Variants in ARHGEF1 observed in about 807,000 individuals in gnomAD.
ARHGEF1 encodes 115 kDa guanine nucleotide exchange factor.
ARHGEF1 carries 40 observed loss-of-function variants against 119.7 expected under a neutral mutation model. The observed-to-expected ratio is 0.33, with a 90% CI of 0.26 to 0.44. The LOEUF (loss-of-function observed/expected upper bound fraction) is 0.44, where lower values mean the gene tolerates loss of function less well. Among genes scored for constraint, ARHGEF1 ranks in the 20% least tolerant of loss-of-function variants. The pLI is 1.00. For missense variants in ARHGEF1, 976 were observed against 1,268.3 expected (o/e 0.77, Z 3.50); for synonymous variants, 494 against 521.0 (o/e 0.95, Z 0.71).
upstream of ARHGEF1, among the ~76,000 whole-genome samples, chr19:41,918,590 C>T: frequency 6.7e-6 from 1 of 149,014 alleles, no homozygotes; most frequent in Non-Finnish European, 1.5e-5. Flanking sequence ...ACAGTACATA[C>T]ACTACCCATC....
chr19:41,910,180 A>G (rs1199967518), downstream of ARHGEF1: 12 of 1,341,542 alleles, frequency 8.9e-6, no homozygotes, highest in Non-Finnish European at 1.2e-5. This position sits in a 1 kb window ranked among gnomAD's most constrained non-coding sequence, Gnocchi z 4.4. Context: ...GTAACCTGGG[A>G]GGCATGTAGT....
In ARHGEF1 at chr19:41,903,736, C is replaced by A. The variant is rs1555849522; in HGVS notation, c.1869C>A (p.Asp623Glu). ...TCAAGGACTATCAGCGGCGCCTGGA[C>A]TTGTCCCACCTTCGGCAGAGCAGCG... ...LRLKDYQRRL[D>E]LSHLRQSSDP... Residue 623 changes from aspartate to glutamate, a missense_variant, in exon 20 of 29, where the codon GAC (aspartate) becomes GAA (glutamate). By Grantham distance (45) the Asp-to-Glu change is conservative. Transcript: ENST00000354532. This position sits in a 1 kb window ranked among gnomAD's most constrained non-coding sequence, Gnocchi z 4.2. 1.9e-6 allele frequency: 3 copies of A among 1,613,226 alleles called. No homozygotes were observed. The highest frequency in any genetic ancestry group is 2.5e-6 in the Non-Finnish European group (3 of 1,180,008).
Position 41,903,170 on chromosome 19 carries a change from C to A in ARHGEF1, c.1739-137C>A. 1 of 760,662 alleles carries A rather than the reference C, an allele frequency of 1.3e-6. No individual in the cohort carries two copies. The highest frequency in any genetic ancestry group is 2.2e-6 in the Non-Finnish European group (1 of 455,490). 47.1% of individuals were successfully genotyped at this position (760,662 alleles called of 1,614,324 possible). ...CTCCTGGTCTCAAGCTATCCTCCCG[C>A]CTCAGCCTCCCAAAGTGCTTGGATT... On this transcript the variant is annotated intron_variant, in intron 18 of 28. Transcript: ENST00000354532. This position sits in a 1 kb window ranked among gnomAD's most constrained non-coding sequence, Gnocchi z 4.2.
Position 41,892,120 on chromosome 19 carries a change from A to G in ARHGEF1, c.321A>G (p.Thr107=), listed in dbSNP as rs201305646. The G allele has an allele frequency of 5.0e-5, 80 of 1,612,388 alleles. No homozygotes were observed. The East Asian group carries it at 1.4e-3, about 28-fold the overall frequency. The part of the protein sequence containing the change: ...LDFYHSFLEK[T]AVLRVPVPPN... ...TCTACCACAGCTTCCTGGAGAAGAC[A>G]GCGGTGAGAGACCTTCAAGCTGCCC... The change falls in exon 5 of 29, where the codon ACA becomes ACG. Residue 107 remains threonine (T), a synonymous_variant. Transcript: ENST00000354532. This position sits in a 1 kb window ranked among gnomAD's most constrained non-coding sequence, Gnocchi z 6.3.
Position 41,905,322 on chromosome 19 carries a change from C to T in ARHGEF1, c.2336+61C>T, listed in dbSNP as rs1599664349. ...GAGTGGGGCCGGAAGGCGGGGCAGG[C>T]TTCCCTCCACAACTCCAGAACCGTC... On this transcript the variant is annotated intron_variant, in intron 24 of 28. Coordinates refer to ENST00000354532, the MANE Select transcript of ARHGEF1 (RefSeq NM_004706.4). The surrounding 1 kb of genome is among the most constrained non-coding windows in gnomAD (Gnocchi z 6.4). 1.4e-6 allele frequency: 2 copies of T among 1,447,698 alleles called. No homozygotes were observed. Among genetic ancestry groups the T allele is most frequent in the East Asian group, 4.6e-5 (2 of 43,938 alleles). The allele number at this position is 1,447,698 out of a possible 1,614,324, so 89.7% of individuals were successfully genotyped here. A position where few individuals can be genotyped will look rare whatever the true frequency, so the allele number is the denominator to read the frequency against.
intron 1 of ARHGEF1, among the ~76,000 whole-genome samples, chr19:41,926,565 C>T (rs920256841): frequency 1.3e-5 from 2 of 152,168 alleles, no homozygotes; most frequent in African/African-American, 4.8e-5. Context: ...AGTTCTGGCT[C>T]TCGGGTCCCT....
chr19:41,905,126 A>G lies in ARHGEF1; in HGVS notation c.2250-49A>G, dbSNP rs1464087050. The G allele has an allele frequency of 1.2e-6, 2 of 1,610,954 alleles. No homozygotes were observed. The highest frequency in any genetic ancestry group is 1.7e-6 in the Non-Finnish European group (2 of 1,177,296). On this transcript the variant is annotated intron_variant, in intron 23 of 28. Coordinates refer to ENST00000354532, the MANE Select transcript of ARHGEF1 (RefSeq NM_004706.4). This position sits in a 1 kb window ranked among gnomAD's most constrained non-coding sequence, Gnocchi z 6.4. ...AGGAGGGCTGTGGGGAGGCCCTGGC[A>G]TAGGGTCTGGGGGCTCTGACTGCCC...
At chr19:41,912,102 G>A (rs1206523663), downstream of ARHGEF1, among the ~76,000 whole-genome samples, 10 of 152,148 alleles carry the variant, frequency 6.6e-5, no homozygotes, top group African/African-American at 1.2e-4. Context: ...GCTGGCAGAC[G>A]CCCCCATCCC....
At chr19:41,911,271 AC>A (rs2074749842), downstream of ARHGEF1, among the ~76,000 whole-genome samples, 1 of 152,096 alleles carries the variant, frequency 6.6e-6, no homozygotes, top group African/African-American at 2.4e-5. Flanking sequence ...CCTGGGTCCA[AC>A]TTCTGTGTTC....
rs532564496 is a variant in ARHGEF1, at chr19:41,901,573, C to T, written c.1268-314C>T. Among the ~76,000 whole-genome samples, 101 of 152,290 alleles carry T rather than the reference C, an allele frequency of 6.6e-4. 2 individuals are homozygous for T. Among genetic ancestry groups the T allele is most frequent in the African/African-American group, 2.4e-3 (98 of 41,562 alleles). The stretch of plus-strand genomic sequence containing the variant: ...CCTCCCACTTGAGCCTCCCAAGTAG[C>T]TGGGACTACAGGCACACACCAACAT... On this transcript the variant is annotated intron_variant, in intron 14 of 28. Coordinates refer to ENST00000354532, the MANE Select transcript of ARHGEF1 (RefSeq NM_004706.4).
At chr19:41,910,404 A>G (rs1345556157), downstream of ARHGEF1, among the ~76,000 whole-genome samples, 2 of 152,152 alleles carry the variant, frequency 1.3e-5, no homozygotes, top group East Asian at 3.9e-4. This position sits in a 1 kb window ranked among gnomAD's most constrained non-coding sequence, Gnocchi z 4.4. Context: ...TGCACCCATG[A>G]CAGTGAGGAG....
In ARHGEF1 at chr19:41,889,006, A is replaced by G; in HGVS notation, c.225+141A>G. The G allele has an allele frequency of 1.4e-6, 1 of 713,086 alleles. No individual in the cohort carries two copies. The highest frequency in any genetic ancestry group is 2.3e-6 in the Non-Finnish European group (1 of 437,650). The allele number at this position is 713,086 out of a possible 1,614,324, so 44.2% of individuals were successfully genotyped here. On this transcript the variant is annotated intron_variant, in intron 4 of 28. Transcript: ENST00000354532. This position sits in a 1 kb window ranked among gnomAD's most constrained non-coding sequence, Gnocchi z 4.0. ...CAGAGAGCCAGATCTAGAAAGAGAG[A>G]ATGCTTTAGACAAGAGCCAGAAAGC...
At chr19:41,901,795 C>T in intron 14 of ARHGEF1, 92 bp from the exon 15 acceptor site, 1 of 1,471,808 alleles carries the variant, frequency 6.8e-7, no homozygotes, top group Non-Finnish European at 9.1e-7. Context: ...GCTTTCCTCC[C>T]TGCTCTGCCT....
In ARHGEF1 at chr19:41,906,121, C is replaced by A. The variant is rs1434073401; in HGVS notation, c.2491+96C>A. ...TCTCCACGTCAAAAATTTCCTTACGCCCAGCTGCCAGAAAACAAATGCTCC... is the reference window on the plus strand; with the variant it reads ...TCTCCACGTCAAAAATTTCCTTACGACCAGCTGCCAGAAAACAAATGCTCC... On this transcript the variant is annotated intron_variant, in intron 26 of 28. Coordinates refer to ENST00000354532, the MANE Select transcript of ARHGEF1 (RefSeq NM_004706.4). The surrounding 1 kb of genome is among the most constrained non-coding windows in gnomAD (Gnocchi z 4.5). 3.2e-6 allele frequency: 4 copies of A among 1,236,238 alleles called. No homozygotes were observed. In the African/African-American group the frequency reaches 4.5e-5, roughly 14 times the overall value. The allele number at this position is 1,236,238 out of a possible 1,614,324, so 76.6% of individuals were successfully genotyped here. A position where few individuals can be genotyped will look rare whatever the true frequency, so the allele number is the denominator to read the frequency against.
upstream of ARHGEF1, among the ~76,000 whole-genome samples, chr19:41,919,177 A>G (rs554793250): frequency 6.6e-6 from 1 of 152,172 alleles, no homozygotes; most frequent in African/African-American, 2.4e-5. Context: ...ACTACTCTCA[A>G]TACCACACCT....
At chr19:41,896,346 T>C (rs1599646253) in intron 12 of ARHGEF1, 31 bp from the exon 13 acceptor site, 7 of 1,317,888 alleles carry the variant, frequency 5.3e-6, no homozygotes, top group Non-Finnish European at 3.0e-6. Context: ...GCAGAGGCCT[T>C]CCAGCCAGCC....
rs1038702652 is a variant in ARHGEF1 at position 41,883,233 on chromosome 19, C to T, written c.-76C>T. On this transcript the variant is annotated 5_prime_UTR_variant, in exon 1 of 29. Coordinates refer to ENST00000354532, the MANE Select transcript of ARHGEF1 (RefSeq NM_004706.4). The surrounding 1 kb of genome is among the most constrained non-coding windows in gnomAD (Gnocchi z 7.6). ...GAAGCGGGAGCCGGGACCCAGGGCCCGGGATCGCCGAGCCCGACCTCGGGC... is the reference window on the plus strand; with the variant it reads ...GAAGCGGGAGCCGGGACCCAGGGCCTGGGATCGCCGAGCCCGACCTCGGGC... 4.0e-5 allele frequency: 8 copies of T among 201,076 alleles called. No individual in the cohort carries two copies. Among genetic ancestry groups the T allele is most frequent in the Non-Finnish European group, 5.6e-5 (5 of 89,536 alleles). 12.5% of individuals were successfully genotyped at this position (201,076 alleles called of 1,614,324 possible).
Position 41,888,134 on chromosome 19 carries a change from G to A in ARHGEF1, c.24+28G>A, listed in dbSNP as rs370779001. The A allele has an allele frequency of 1.6e-4, 256 of 1,613,954 alleles. 1 individual carries two copies. Among genetic ancestry groups the A allele is most frequent in the Non-Finnish European group, 2.0e-4 (239 of 1,180,008 alleles). The stretch of plus-strand genomic sequence containing the variant: ...GAGTGGACAGAGCAAGGGGTGAGGC[G>A]ACTCTGGGGCTGTGGGTGGAGAGTC... On this transcript the variant is annotated intron_variant, in intron 2 of 28. Coordinates refer to ENST00000354532, the MANE Select transcript of ARHGEF1 (RefSeq NM_004706.4). This position sits in a 1 kb window ranked among gnomAD's most constrained non-coding sequence, Gnocchi z 5.1.
rs1555850464 is a variant in ARHGEF1, at chr19:41,907,162, C to G, written c.*75C>G. On this transcript the variant is annotated 3_prime_UTR_variant, in exon 29 of 29. Transcript: ENST00000354532. ...GGACGTGAGGGACCACCCCCACCCA[C>G]ACAGCTGCCGCAGCATCTCACACCC... 6.5e-7 allele frequency: 1 copy of G among 1,531,658 alleles called. No individual in the cohort carries two copies. The highest frequency in any genetic ancestry group is 1.4e-5 in the African/African-American group (1 of 72,896). 94.9% of individuals were successfully genotyped at this position (1,531,658 alleles called of 1,614,324 possible).
Sources: gnomAD v4.1 joint callset for allele counts (sites outside exome capture counted in the v4.1 genomes callset) on GRCh38, gnomAD v4.1.1 for gene constraint, Gnocchi (gnomAD v3.1) non-coding constraint, MANE v1.5 for transcripts, NCBI Gene and HGNC (gene_info 2026-07-23, HGNC 2026-07-21) for gene names.